The following HECW2 variants were observed in gnomAD, a reference collection of about 807,000 sequenced individuals.
HECW2 encodes the protein HECT, C2 and WW domain containing E3 ubiquitin protein ligase 2.
HECW2 carries 61 observed loss-of-function variants against 175.2 expected under a neutral mutation model. The observed-to-expected ratio is 0.35, with a 90% CI of 0.28 to 0.43. HECW2 has a LOEUF of 0.43. Ranked by LOEUF, HECW2 falls within the 20% of genes least tolerant of loss-of-function variation. The probability of loss-of-function intolerance (pLI) is 1.00; values close to 1 mark genes in which losing one functional copy is unlikely to be tolerated. For missense variants in HECW2, 1,524 were observed against 2,000.5 expected (o/e 0.76, Z 4.54); for synonymous variants, 671 against 731.0 (o/e 0.92, Z 1.32).
intron 2 of HECW2, among the ~76,000 whole-genome samples, chr2:196,402,142 A>G (rs1575504486): frequency 7.7e-6 from 1 of 129,412 alleles, no homozygotes; most frequent in South Asian, 2.6e-4. Flanking sequence ...CGGAGCTTGC[A>G]GTGAGCCGAG....
At position 196,318,840 on chromosome 2, in the gene HECW2, A is replaced by G. The variant is rs749251345; in HGVS notation, c.2050T>C (p.Cys684Arg). Residue 684 changes from cysteine (C) to arginine (R), a missense_variant, in exon 9 of 29, where the codon TGT (cysteine) becomes CGT (arginine). By Grantham distance (180) the Cys-to-Arg change is radical (BLOSUM62 -3). Around this residue, in one of 11 missense-constraint regions of HECW2, gnomAD observed 604 missense variants for 588.3 expected, o/e 1.03. Coordinates refer to ENST00000644978, the MANE Select transcript of HECW2 (RefSeq NM_001348768.2). ...CCACTGCTGGTGGGCTCTGCTGCAC[A>G]GGCTCCGTCTTCCTCCTCCTGAGAA... ...FSSQEEEDGA[C>R]AAEPTSSGPA... The G allele has an allele frequency of 9.1e-6, 14 of 1,546,262 alleles. No homozygotes were observed. Among genetic ancestry groups the G allele is most frequent in the South Asian group, 1.3e-5 (1 of 79,338 alleles).
chr2:196,484,236 T>C (rs1246750881), intron 1 of HECW2, among the ~76,000 whole-genome samples: 1 of 152,202 alleles, frequency 6.6e-6, no homozygotes, highest in Non-Finnish European at 1.5e-5. Context: ...TCCATGTATA[T>C]TACTATTAAG....
Position 196,347,351 on chromosome 2 carries a change from C to T in HECW2, c.293-3587G>A, listed in dbSNP as rs537084254. Among the ~76,000 whole-genome samples the T allele has an allele frequency of 2.5e-4, 38 of 152,100 alleles. No homozygotes were observed. The South Asian group carries it at 6.4e-3, about 26-fold the overall frequency. ...CTAGGATTACAGGTGTAAGCCACCA[C>T]GCCTGGCTAATTTTTGTATTTTTCA... is the stretch of plus-strand genomic sequence containing the variant. On this transcript the variant is annotated intron_variant, in intron 2 of 28. Coordinates refer to ENST00000644978, the MANE Select transcript of HECW2 (RefSeq NM_001348768.2).
intron 1 of HECW2, among the ~76,000 whole-genome samples, chr2:196,448,437 G>A (rs1205738750): frequency 1.3e-5 from 2 of 152,098 alleles, no homozygotes; most frequent in East Asian, 1.9e-4. Context: ...AATATGCTAC[G>A]CCTCCTGTGG....
In HECW2 at chr2:196,220,878, CCTT is replaced by C; in HGVS notation, c.4207_4209del (p.Lys1403del). 1 of 1,614,128 alleles carries C rather than the reference CCTT, an allele frequency of 6.2e-7. No homozygotes were observed. The highest frequency in any genetic ancestry group is 8.5e-7 in the Non-Finnish European group (1 of 1,179,976). ...CACTTCACCATCCTCTCGATGTACT[CCTT>C]CTTGTTCTTCTCTGTAACTGGGATA... On this transcript the variant is annotated inframe_deletion, in exon 25 of 29. Transcript: ENST00000644978.
At chr2:196,309,707 T>C (rs1691411826) in intron 10 of HECW2, among the ~76,000 whole-genome samples, 1 of 152,070 alleles carries the variant, frequency 6.6e-6, no homozygotes, top group African/African-American at 2.4e-5. Context: ...GACCAATTCT[T>C]CTCCAAAGAA....
chr2:196,458,086 A>G (rs1249294934), intron 1 of HECW2, among the ~76,000 whole-genome samples: 1 of 152,020 alleles, frequency 6.6e-6, no homozygotes, highest in African/African-American at 2.4e-5. Flanking sequence ...CCTGGGTAAC[A>G]TAGTGAGACC....
chr2:196,267,686 G>A (rs1369082019), intron 17 of HECW2, among the ~76,000 whole-genome samples: 1 of 152,204 alleles, frequency 6.6e-6, no homozygotes, highest in East Asian at 1.9e-4. Context: ...AGACACACCA[G>A]TGAAGTCTCA....
chr2:196,348,839 T>C (rs1693061162), intron 2 of HECW2, among the ~76,000 whole-genome samples: 1 of 152,198 alleles, frequency 6.6e-6, no homozygotes, highest in Admixed American at 6.5e-5. Context: ...TCGTTTCTCT[T>C]AACAATTCCA....
At chr2:196,321,385 T>TTC (rs1231213424) in intron 7 of HECW2, among the ~76,000 whole-genome samples, 25 of 50,716 alleles carry the variant, frequency 4.9e-4, no homozygotes, top group South Asian at 4.4e-3. Context: ...CTTATTCTTT[T>TTC]TCTCTCTTTT....
intron 1 of HECW2, among the ~76,000 whole-genome samples, chr2:196,540,425 A>G (rs1351596865): frequency 6.6e-6 from 1 of 151,890 alleles, no homozygotes; most frequent in Non-Finnish European, 1.5e-5. Flanking sequence ...AATATAATTT[A>G]TTTTTCTTTC....
chr2:196,210,585 A>G (rs990905883), intron 28 of HECW2, among the ~76,000 whole-genome samples: 1 of 151,520 alleles, frequency 6.6e-6, no homozygotes, highest in Non-Finnish European at 1.5e-5. Context: ...TTTTTGTAAA[A>G]TTTTCTTTTT....
chr2:196,292,360 C>G, intron 14 of HECW2: 1 of 504,466 alleles, frequency 2.0e-6, no homozygotes, highest in Non-Finnish European at 3.6e-6. Context: ...CACAGCCCTC[C>G]CTCCGCTCCC....
chr2:196,219,991 CCTTT>C, intron 26 of HECW2, 44 bp downstream of exon 26: 1 of 1,241,224 alleles, frequency 8.1e-7, no homozygotes, highest in Non-Finnish European at 1.2e-6. Flanking sequence ...ACCATGCCTT[CCTTT>C]AATTTGAAAT....
chr2:196,230,990 C>G (rs1026221824), intron 21 of HECW2, among the ~76,000 whole-genome samples: 5 of 147,540 alleles, frequency 3.4e-5, no homozygotes, highest in Non-Finnish European at 7.4e-5. Context: ...GTAATCCCAG[C>G]TACTCGAGAG....
intron 14 of HECW2, among the ~76,000 whole-genome samples, chr2:196,284,259 C>T (rs113848767): frequency 1.3e-5 from 2 of 152,320 alleles, no homozygotes; most frequent in Admixed American, 6.5e-5. Flanking sequence ...CAATTCTCAT[C>T]GCTAATCTGT....
chr2:196,417,017 A>C (rs1695273369), intron 2 of HECW2, among the ~76,000 whole-genome samples: 1 of 152,240 alleles, frequency 6.6e-6, no homozygotes, highest in Non-Finnish European at 1.5e-5. Flanking sequence ...CGATGAAGGA[A>C]ATTCCTATTA....
At chr2:196,257,535 T>C (rs1689109910) in intron 18 of HECW2, among the ~76,000 whole-genome samples, 1 of 152,210 alleles carries the variant, frequency 6.6e-6, no homozygotes, top group African/African-American at 2.4e-5. Flanking sequence ...ACCCTTCTGT[T>C]CCATTCTGTG....
chr2:196,282,635 A>G (rs1289554516), intron 14 of HECW2, among the ~76,000 whole-genome samples: 1 of 152,228 alleles, frequency 6.6e-6, no homozygotes, highest in Non-Finnish European at 1.5e-5. Context: ...GAATCAATAG[A>G]AAGGAATGTC....
Sources: gnomAD v4.1 joint callset for allele counts (sites outside exome capture counted in the v4.1 genomes callset) on GRCh38, gnomAD v4.1.1 for gene constraint, gnomAD v4.1.1 regional missense constraint, MANE v1.5 for transcripts, NCBI Gene and HGNC (gene_info 2026-07-23, HGNC 2026-07-21) for gene names.